The following PTBP3 variants were observed in gnomAD, a reference collection of about 807,000 sequenced individuals.
PTBP3 encodes polypyrimidine tract binding protein 3, also known as polypyrimidine tract-binding protein 3.
PTBP3 carries 20 observed loss-of-function variants against 58.7 expected under a neutral mutation model. That is an observed-to-expected ratio of 0.34 (90% confidence interval 0.24 to 0.50). The LOEUF (loss-of-function observed/expected upper bound fraction) is 0.50, where lower values mean the gene tolerates loss of function less well. Among genes scored for constraint, PTBP3 ranks in the 20% least tolerant of loss-of-function variants. PTBP3 has a pLI of 0.98. For synonymous variants in PTBP3, 185 were observed against 219.8 expected (o/e 0.84, Z 1.40); for missense variants, 509 against 637.2 (o/e 0.80, Z 2.17).
chr9:112,244,289 C>CAAAAAAAAAAAAAAAAAAAAAAAA lies in PTBP3; in HGVS notation c.802+6639_802+6640insTTTTTTTTTTTTTTTTTTTTTTTT, dbSNP rs56052359. ...TGGGCAACAGAGTGAGACTCTGTCT[C>CAAAAAAAAAAAAAAAAAAAAAAAA]AAAAAAAAAAAAAAAAAAGTTCTCA... is the stretch of plus-strand genomic sequence containing the variant. On this transcript the variant is annotated intron_variant, in intron 7 of 13. Transcript: ENST00000374257. 6.5e-3 allele frequency among the ~76,000 whole-genome samples: 234 copies of CAAAAAAAAAAAAAAAAAAAAAAAA among 36,232 alleles called. 47 individuals carry two copies. Among genetic ancestry groups the CAAAAAAAAAAAAAAAAAAAAAAAA allele is most frequent in the Middle Eastern group, 0.023 (1 of 44 alleles). The allele number at this position is 36,232 out of a possible 152,430, so 23.8% of individuals were successfully genotyped here.
intron 1 of PTBP3, among the ~76,000 whole-genome samples, chr9:112,307,076 C>T (rs1228820554): frequency 6.6e-6 from 1 of 152,124 alleles, no homozygotes; most frequent in East Asian, 1.9e-4. Flanking sequence ...TAAAATAACA[C>T]ATAAGTAAAG....
chr9:112,354,510 C>A, the PTBP3 span, among the ~76,000 whole-genome samples: 3 of 152,150 alleles, frequency 2.0e-5, 1 homozygote, highest in South Asian at 6.2e-4. Context: ...CATACCACCC[C>A]CCTGGGGGTG....
At chr9:112,347,693 G>A in the PTBP3 span, among the ~76,000 whole-genome samples, 5 of 152,094 alleles carry the variant, frequency 3.3e-5, no homozygotes, top group African/African-American at 1.2e-4. Flanking sequence ...AATATATTGT[G>A]TGTGTATGTG....
chr9:112,240,197 G>A, intron 7 of PTBP3, among the ~76,000 whole-genome samples: 1 of 152,216 alleles, frequency 6.6e-6, no homozygotes, highest in East Asian at 1.9e-4. Flanking sequence ...GAAACCTTTG[G>A]AGGGTAGTCA....
the PTBP3 span, among the ~76,000 whole-genome samples, chr9:112,344,500 C>T: frequency 6.6e-6 from 1 of 152,134 alleles, no homozygotes; most frequent in Non-Finnish European, 1.5e-5. Flanking sequence ...AGCACAAGGC[C>T]CCCACCAGAT....
At chr9:112,345,369 A>G in the PTBP3 span, among the ~76,000 whole-genome samples, 10 of 110,042 alleles carry the variant, frequency 9.1e-5, no homozygotes, top group Non-Finnish European at 1.7e-4. Flanking sequence ...AAAAAAAAAA[A>G]AGGAAAAAAA....
chr9:112,355,932 CTTTCT>C, the PTBP3 span, among the ~76,000 whole-genome samples: 70 of 132,842 alleles, frequency 5.3e-4, no homozygotes, highest in Admixed American at 3.5e-3. Context: ...ATAAAAGTTT[CTTTCT>C]TTTCTTTTCT....
the PTBP3 span, among the ~76,000 whole-genome samples, chr9:112,339,237 G>C: frequency 0.065 from 8,972 of 139,058 alleles, 788 homozygotes; most frequent in African/African-American, 0.2. Context: ...GCTGCAGTGA[G>C]CTGAGATCGT....
chr9:112,299,570 G>A (rs780253692), intron 1 of PTBP3, among the ~76,000 whole-genome samples: 2 of 152,130 alleles, frequency 1.3e-5, no homozygotes, highest in Non-Finnish European at 2.9e-5. Flanking sequence ...AAAATGACAA[G>A]AGACTTTAAC....
In PTBP3 at chr9:112,299,533, T is replaced by C. The variant is rs1828825668; in HGVS notation, c.-51-1617A>G. On this transcript the variant is annotated intron_variant, in intron 1 of 13. Transcript: ENST00000374257. ...AAAAGGAAAAACAAAACACTAGAAA[T>C]CAGTAAGAAAAACCCAAGATAACAG... Among the ~76,000 whole-genome samples the C allele has an allele frequency of 2.0e-5, 3 of 152,006 alleles. No homozygotes were observed. The South Asian group carries it at 6.2e-4, about 32-fold the overall frequency.
chr9:112,292,844 T>C (rs1028798890), intron 2 of PTBP3, among the ~76,000 whole-genome samples: 1 of 152,218 alleles, frequency 6.6e-6, no homozygotes, highest in African/African-American at 2.4e-5. Flanking sequence ...TGTACAACAA[T>C]GTTCCTATAG....
chr9:112,280,319 T>C (rs1335728895), intron 2 of PTBP3, among the ~76,000 whole-genome samples: 1 of 152,072 alleles, frequency 6.6e-6, no homozygotes, highest in Non-Finnish European at 1.5e-5. Flanking sequence ...CCTTCCTAAG[T>C]GCTGGGATTA....
chr9:112,317,550 AC>A (rs1394038906), intron 1 of PTBP3, among the ~76,000 whole-genome samples: 7 of 152,206 alleles, frequency 4.6e-5, no homozygotes, highest in African/African-American at 1.7e-4. Flanking sequence ...GACCAACAAT[AC>A]TGAAAGCTAG....
intron 2 of PTBP3, among the ~76,000 whole-genome samples, chr9:112,292,622 T>C (rs1828488619): frequency 6.6e-6 from 1 of 152,182 alleles, no homozygotes; most frequent in East Asian, 1.9e-4. Context: ...TTCCATTTGC[T>C]GCAACATAAA....
intron 2 of PTBP3, among the ~76,000 whole-genome samples, chr9:112,290,684 AAAAATAT>A (rs1472142263): frequency 1.7e-5 from 1 of 60,374 alleles, no homozygotes; most frequent in African/African-American, 1.1e-4. Flanking sequence ...AAAAAAAAAA[AAAAATAT>A]ATATATATAT....
upstream of PTBP3, among the ~76,000 whole-genome samples, chr9:112,338,121 G>A (rs1441065133): frequency 6.6e-6 from 1 of 152,200 alleles, no homozygotes; most frequent in African/African-American, 2.4e-5. Flanking sequence ...AAATTATAGA[G>A]ATGGAGAACA....
At chr9:112,361,556 C>CCTT in the PTBP3 span, among the ~76,000 whole-genome samples, 2 of 151,898 alleles carry the variant, frequency 1.3e-5, no homozygotes, top group African/African-American at 4.8e-5. Context: ...TAAATTTCTA[C>CCTT]CTTATTTTCC....
the PTBP3 span, chr9:112,379,815 G>A: frequency 2.2e-6 from 1 of 464,204 alleles, no homozygotes; most frequent in Non-Finnish European, 3.8e-6. Flanking sequence ...GGAAAAGGTG[G>A]ACGTAGCGGC....
At chr9:112,320,669 G>C (rs1829913557) in intron 1 of PTBP3, among the ~76,000 whole-genome samples, 1 of 152,088 alleles carries the variant, frequency 6.6e-6, no homozygotes, top group Non-Finnish European at 1.5e-5. Context: ...CATCAAGACA[G>C]TGTGATATTA....
Sources: gnomAD v4.1 joint callset for allele counts (sites outside exome capture counted in the v4.1 genomes callset) on GRCh38, gnomAD v4.1.1 for gene constraint, MANE v1.5 for transcripts, NCBI Gene and HGNC (gene_info 2026-07-23, HGNC 2026-07-21) for gene names.